The following PACC1 variants were observed in gnomAD, a reference collection of about 807,000 sequenced individuals.
PACC1 encodes proton-activated chloride channel.
Under a neutral mutation model 39.7 loss-of-function variants are expected in PACC1, and 34 were observed. The observed-to-expected ratio is 0.86, with a 90% CI of 0.65 to 1.14. The LOEUF is 1.14. PACC1 is among the 50% of genes most tolerant of loss of function. The pLI, the probability that PACC1 is intolerant of heterozygous loss-of-function variation, is 0.00. For synonymous variants in PACC1, 127 were observed against 160.6 expected (o/e 0.79, Z 1.58); for missense variants, 379 against 436.4 (o/e 0.87, Z 1.17).
At chr1:212,399,881 G>A (rs945610336) in intron 2 of PACC1, among the ~76,000 whole-genome samples, 11 of 151,470 alleles carry the variant, frequency 7.3e-5, no homozygotes, top group Non-Finnish European at 1.6e-4. Flanking sequence ...TTTCACTCTT[G>A]TTGCCCAAGC....
At chr1:212,414,602 G>A in intron 1 of PACC1, 120 bp downstream of exon 1, 2 of 1,262,228 alleles carry the variant, frequency 1.6e-6, no homozygotes, top group Admixed American at 2.1e-5. Context: ...CGCACCCGTC[G>A]GTCCCTCGGA....
At position 212,386,811 on chromosome 1, in the gene PACC1, A is replaced by G; in HGVS notation, c.343+80T>C. ...CTGCCCTGCCCGTAGTACCACAAAT[A>G]CAACGGCAGCTCAGGGAGTATCTGC... On this transcript the variant is annotated intron_variant, in intron 3 of 7. Transcript: ENST00000261455. This position sits in a 1 kb window ranked among gnomAD's most constrained non-coding sequence, Gnocchi z 5.0. 7.1e-7 allele frequency: 1 copy of G among 1,417,412 alleles called. No homozygotes were observed. Among genetic ancestry groups the G allele is most frequent in the Non-Finnish European group, 9.9e-7 (1 of 1,008,516 alleles). The allele number at this position is 1,417,412 out of a possible 1,614,324, so 87.8% of individuals were successfully genotyped here. A position where few individuals can be genotyped will look rare whatever the true frequency, so the allele number is the denominator to read the frequency against.
chr1:212,400,034 CG>C (rs1661660621), intron 2 of PACC1, among the ~76,000 whole-genome samples: 1 of 151,922 alleles, frequency 6.6e-6, no homozygotes, highest in Non-Finnish European at 1.5e-5. Context: ...TTAGTAGAAA[CG>C]GGCTTTCACC....
chr1:212,392,524 C>T (rs1282482027), intron 2 of PACC1, among the ~76,000 whole-genome samples: 2 of 152,182 alleles, frequency 1.3e-5, no homozygotes, highest in Non-Finnish European at 2.9e-5. Context: ...TAGGAAGAAA[C>T]TACATCAACT....
intron 7 of PACC1, among the ~76,000 whole-genome samples, chr1:212,368,172 C>A (rs911063405): frequency 1.3e-5 from 2 of 152,158 alleles, no homozygotes; most frequent in African/African-American, 4.8e-5. Context: ...GCTTAGACTG[C>A]CCTCTAGTGC....
chr1:212,370,455 C>T (rs1016393826), intron 7 of PACC1, among the ~76,000 whole-genome samples: 2 of 152,302 alleles, frequency 1.3e-5, no homozygotes, highest in Middle Eastern at 3.4e-3. Flanking sequence ...GGCGACAGAA[C>T]GAGACTCCGT....
At chr1:212,384,811 G>A (rs900785439) in intron 4 of PACC1, among the ~76,000 whole-genome samples, 20 of 152,228 alleles carry the variant, frequency 1.3e-4, no homozygotes, top group African/African-American at 4.6e-4. Flanking sequence ...TCCCCAGACC[G>A]ACGCTCCTTT....
chr1:212,372,282 C>CA (rs56708545), intron 7 of PACC1, among the ~76,000 whole-genome samples: 34 of 130,882 alleles, frequency 2.6e-4, no homozygotes, highest in South Asian at 1.0e-3. Flanking sequence ...GAAACTGTGT[C>CA]AAAAAAAAAA....
Position 212,389,062 on chromosome 1 carries a change from A to G in PACC1, c.134-1962T>C, listed in dbSNP as rs115853322. Among the ~76,000 whole-genome samples, 817 of 152,364 alleles carry G rather than the reference A, an allele frequency of 5.4e-3. 8 individuals are homozygous for G. Among genetic ancestry groups the G allele is most frequent in the African/African-American group, 0.019 (782 of 41,580 alleles). On this transcript the variant is annotated intron_variant, in intron 2 of 7. Coordinates refer to ENST00000261455, the MANE Select transcript of PACC1 (RefSeq NM_018252.3). ...TTTGAAGGCACTGGGAGAATGATCA[A>G]AAGCAGGTAGAAATTGAAAGAGAGG...
At chr1:212,394,151 C>A (rs1571664086) in intron 2 of PACC1, among the ~76,000 whole-genome samples, 1 of 152,186 alleles carries the variant, frequency 6.6e-6, no homozygotes, top group South Asian at 2.1e-4. Context: ...GAATTTTAGA[C>A]CAATATCCCT....
At chr1:212,407,868 G>A (rs1008531954) in intron 2 of PACC1, among the ~76,000 whole-genome samples, 5 of 151,932 alleles carry the variant, frequency 3.3e-5, no homozygotes, top group Non-Finnish European at 5.9e-5. Context: ...TGAGGTCATG[G>A]GTTTGAGACC....
chr1:212,379,167 T>G (rs1381269496), intron 5 of PACC1, among the ~76,000 whole-genome samples: 1 of 152,166 alleles, frequency 6.6e-6, no homozygotes, highest in South Asian at 2.1e-4. Context: ...ATGGTCTCGA[T>G]CTCCTGACCT....
At chr1:212,371,016 GGCC>G (rs1660431056) in intron 7 of PACC1, among the ~76,000 whole-genome samples, 2 of 152,068 alleles carry the variant, frequency 1.3e-5, no homozygotes, top group African/African-American at 4.8e-5. Flanking sequence ...GGGAGGCTGA[GGCC>G]GGCAGATCAC....
chr1:212,368,413 A>G (rs1477835357), intron 7 of PACC1, among the ~76,000 whole-genome samples: 1 of 152,158 alleles, frequency 6.6e-6, no homozygotes, highest in Non-Finnish European at 1.5e-5. Context: ...AATCCGGGAG[A>G]GAGAGATGTG....
chr1:212,409,264 A>G (rs976212441), intron 2 of PACC1, among the ~76,000 whole-genome samples: 1 of 152,188 alleles, frequency 6.6e-6, no homozygotes, highest in African/African-American at 2.4e-5. Flanking sequence ...CAACAGCAAT[A>G]GCCGGAAAGG....
At chr1:212,396,855 A>G (rs1661547124) in intron 2 of PACC1, among the ~76,000 whole-genome samples, 1 of 151,402 alleles carries the variant, frequency 6.6e-6, no homozygotes, top group Non-Finnish European at 1.5e-5. Context: ...TATCTATTAC[A>G]TATAGAGCAC....
chr1:212,387,993 G>C (rs999287274), intron 2 of PACC1, among the ~76,000 whole-genome samples: 1 of 150,132 alleles, frequency 6.7e-6, no homozygotes, highest in Middle Eastern at 3.2e-3. Flanking sequence ...GGCGGAGGTT[G>C]CAGTGAGCCG....
intron 1 of PACC1, among the ~76,000 whole-genome samples, 154 bp from the exon 2 acceptor site, chr1:212,410,675 C>G (rs933456386): frequency 6.6e-6 from 1 of 152,222 alleles, no homozygotes; most frequent in South Asian, 2.1e-4. Context: ...GATGAGGACA[C>G]CGAAGCTCAG....
chr1:212,389,108 C>A (rs1461836746), intron 2 of PACC1, among the ~76,000 whole-genome samples: 3 of 152,220 alleles, frequency 2.0e-5, no homozygotes, highest in Non-Finnish European at 4.4e-5. Context: ...AAGAGAAGAA[C>A]TGTACTTGGT....
Sources: gnomAD v4.1 joint callset for allele counts (sites outside exome capture counted in the v4.1 genomes callset) on GRCh38, gnomAD v4.1.1 for gene constraint, Gnocchi (gnomAD v3.1) non-coding constraint, MANE v1.5 for transcripts, NCBI Gene and HGNC (gene_info 2026-07-23, HGNC 2026-07-21) for gene names.